The following RETREG3 variants were observed in gnomAD, a reference collection of about 807,000 sequenced individuals.
The protein encoded by RETREG3 is reticulophagy regulator 3.
A neutral mutation model predicts 50.2 loss-of-function variants in RETREG3; 23 were observed. The ratio of observed to expected loss-of-function variants is 0.46; its 90% CI spans 0.33 to 0.65. The LOEUF (loss-of-function observed/expected upper bound fraction) is 0.65. RETREG3 is among the 30% of genes least tolerant of loss of function. RETREG3 has a pLI of 0.02. For synonymous variants in RETREG3, 240 were observed against 234.4 expected (o/e 1.02, Z -0.22); for missense variants, 546 against 598.0 (o/e 0.91, Z 0.91).
intron 5 of RETREG3, 42 bp from the exon 6 acceptor site, chr17:42,585,304 G>C (rs1597733303): frequency 1.2e-6 from 2 of 1,603,904 alleles, no homozygotes; most frequent in Non-Finnish European, 1.7e-6. Context: ...TGGAGAAGGG[G>C]CTGCAAAAAA....
Position 42,586,858 on chromosome 17 carries a change from C to G in RETREG3, c.411G>C (p.Val137=), listed in dbSNP as rs1297171071. The part of the protein sequence containing the change: ...WGFVHPRLLS[V]PELCHHVAEV... ...CAGCTACATGGTGGCAGAGCTCGGG[C>G]ACGCTGAGCAACCGAGGGTGCACAA... Residue 137 remains valine, a synonymous_variant, in exon 4 of 9, where the codon GTG becomes GTC. Coordinates refer to ENST00000309428, the MANE Select transcript of RETREG3 (RefSeq NM_178126.4). The G allele has an allele frequency of 1.2e-6, 2 of 1,613,972 alleles. No homozygotes were observed. The highest frequency in any genetic ancestry group is 2.7e-5 in the African/African-American group (2 of 74,912).
chr17:42,583,622 G>A (rs751537430), intron 6 of RETREG3, 42 bp from the exon 7 acceptor site: 1 of 1,582,850 alleles, frequency 6.3e-7, no homozygotes, highest in Non-Finnish European at 8.6e-7. Context: ...CCTTCTCCCA[G>A]CGTAAAATCC....
intron 1 of RETREG3, among the ~76,000 whole-genome samples, chr17:42,604,303 G>A (rs2093163814): frequency 6.6e-6 from 1 of 151,994 alleles, no homozygotes; most frequent in African/African-American, 2.4e-5. Context: ...ATCTCTACTT[G>A]GGACTCAGCT....
chr17:42,597,439 G>A (rs1161558246), intron 1 of RETREG3, among the ~76,000 whole-genome samples: 4 of 148,078 alleles, frequency 2.7e-5, no homozygotes, highest in African/African-American at 5.0e-5. Context: ...CACCCACCTC[G>A]GCATCCCAAA....
At position 42,609,259 on chromosome 17, in the gene RETREG3, G is replaced by A. The variant is rs1318977824; in HGVS notation, c.66C>T (p.Arg22=). 1.2e-6 allele frequency: 2 copies of A among 1,606,482 alleles called. No individual in the cohort carries two copies. Among genetic ancestry groups the A allele is most frequent in the Admixed American group, 3.3e-5 (2 of 60,004 alleles). Residue 22 remains arginine, a synonymous_variant, in exon 1 of 9, where the codon CGC becomes CGT. Coordinates refer to ENST00000309428, the MANE Select transcript of RETREG3 (RefSeq NM_178126.4). ...GPASGSTFRG[R]RDVSGSWERD... Reference sequence around the variant, plus strand: ...GCTCCCAGGAGCCTGACACATCTCGGCGGCCCCTGAAAGTCGACCCCGAAG... The same window carrying A: ...GCTCCCAGGAGCCTGACACATCTCGACGGCCCCTGAAAGTCGACCCCGAAG...
chr17:42,596,648 T>C (rs946429276), intron 1 of RETREG3: 1 of 152,168 alleles, frequency 6.6e-6, no homozygotes, highest in Non-Finnish European at 1.5e-5. Context: ...AAGTATAATG[T>C]GACCTTATTA....
rs544986227 is a variant in RETREG3 at position 42,591,921 on chromosome 17, C to A, written c.346+135G>T. ...GGGGCACAAGCCCTTCAAGTGCCTC[C>A]TAAAGCAAATGATTCAGACTTCAAA... is the stretch of plus-strand genomic sequence containing the variant. On this transcript the variant is annotated intron_variant, in intron 2 of 8. Transcript: ENST00000309428. The A allele has an allele frequency of 1.6e-5, 12 of 729,662 alleles. No individual in the cohort carries two copies. The East Asian group carries it at 2.7e-4, about 16-fold the overall frequency. The allele number at this position is 729,662 out of a possible 1,614,324, so 45.2% of individuals were successfully genotyped here.
At chr17:42,599,785 G>A (rs955480033) in intron 1 of RETREG3, among the ~76,000 whole-genome samples, 1 of 152,116 alleles carries the variant, frequency 6.6e-6, no homozygotes, top group Non-Finnish European at 1.5e-5. Flanking sequence ...CTGAGGTCAG[G>A]AGTTCGAGAC....
In RETREG3 at chr17:42,609,151, T is replaced by C. The variant is rs757068090; in HGVS notation, c.174A>G (p.Ala58=). 2.6e-5 allele frequency: 42 copies of C among 1,610,336 alleles called. No homozygotes were observed. The East Asian group carries it at 8.5e-4, about 32-fold the overall frequency. ...PYEPLLSRVQ[A]ALVWERPARS... is the part of the protein sequence containing the mutation. ...TAGCTGGCCGCTCCCACACCAGGGC[T>C]GCCTGCACCCGACTCAGCAGAGGCT... The change falls in exon 1 of 9, where the codon GCA becomes GCG. Residue 58 remains alanine (A), a synonymous_variant. Transcript: ENST00000309428.
At chr17:42,592,420 T>A (rs6503710) in intron 1 of RETREG3, among the ~76,000 whole-genome samples, 146,192 of 152,336 alleles carry the variant, frequency 0.96, 70,204 homozygotes, top group East Asian at 1. Flanking sequence ...AAGCTCCTTC[T>A]GCTTTCCAGT....
At chr17:42,597,517 GTGTGTGTATATA>G (rs2093147869) in intron 1 of RETREG3, among the ~76,000 whole-genome samples, 1 of 123,918 alleles carries the variant, frequency 8.1e-6, no homozygotes, top group African/African-American at 2.9e-5. Flanking sequence ...GTGTGTGTGT[GTGTGTGTATATA>G]TATATATATA....
At chr17:42,603,343 C>G (rs2093161821) in intron 1 of RETREG3, among the ~76,000 whole-genome samples, 1 of 152,164 alleles carries the variant, frequency 6.6e-6, no homozygotes, top group African/African-American at 2.4e-5. Flanking sequence ...CACTTCAAAA[C>G]AAAGCATCCC....
chr17:42,597,858 G>A (rs2093150828), intron 1 of RETREG3, among the ~76,000 whole-genome samples: 2 of 150,202 alleles, frequency 1.3e-5, no homozygotes, highest in African/African-American at 4.9e-5. Flanking sequence ...TCGAATCCCT[G>A]ATCTCAAGTG....
At chr17:42,585,943 T>A (rs1159296298) in intron 5 of RETREG3, 110 bp downstream of exon 5, 1 of 978,056 alleles carries the variant, frequency 1.0e-6, no homozygotes, top group African/African-American at 1.6e-5. Flanking sequence ...GCAAAGGTCA[T>A]ATCCTAGAGA....
At position 42,593,878 on chromosome 17, in the gene RETREG3, C is replaced by T. The variant is rs532858020; in HGVS notation, c.240-1716G>A. Among the ~76,000 whole-genome samples, 8 of 152,016 alleles carry T rather than the reference C, an allele frequency of 5.3e-5. No individual in the cohort carries two copies. In the East Asian group the frequency reaches 1.6e-3, roughly 30 times the overall value. Reference sequence around the variant, plus strand: ...TTTTCCCTTTTTTCCCCCTAAGTAACATGTGATGTGAACATGAACTATAGA... The same window carrying T: ...TTTTCCCTTTTTTCCCCCTAAGTAATATGTGATGTGAACATGAACTATAGA... On this transcript the variant is annotated intron_variant, in intron 1 of 8. Coordinates refer to ENST00000309428, the MANE Select transcript of RETREG3 (RefSeq NM_178126.4).
At chr17:42,583,381 G>T in intron 7 of RETREG3, 117 bp downstream of exon 7, 1 of 783,036 alleles carries the variant, frequency 1.3e-6, no homozygotes, top group Non-Finnish European at 2.0e-6. Flanking sequence ...TCCTTGTCTT[G>T]GGAACAAGGG....
In RETREG3 at chr17:42,581,866, G is replaced by T; in HGVS notation, c.1348C>A (p.Leu450Met). The change falls in exon 9 of 9, where the codon CTG becomes ATG. Residue 450 changes from leucine (L) to methionine (M), a missense_variant. Transcript: ENST00000309428. ...AGCTGACTCAGCTCCGACTGGTCCA[G>T]AAGTTCAAAGTCATCCCCCTCAGCA... ...TDAEGDDFEL[L>M]DQSELSQLDP... 1.9e-6 allele frequency: 3 copies of T among 1,612,364 alleles called. No homozygotes were observed. Among genetic ancestry groups the T allele is most frequent in the Non-Finnish European group, 2.5e-6 (3 of 1,178,710 alleles).
intron 2 of RETREG3, among the ~76,000 whole-genome samples, chr17:42,588,342 C>T (rs536693744): frequency 9.9e-5 from 15 of 152,088 alleles, no homozygotes; most frequent in African/African-American, 2.9e-4. Context: ...CTGCAAGCTC[C>T]GCCTCCCATT....
rs1002112619 is a variant in RETREG3 at position 42,587,688 on chromosome 17, T to C, written c.377+146A>G. ...TCTCAACATATTGCTGCCTGAACTT[T>C]AGGATGTGTTAAAATGATCATTTGG... is the stretch of plus-strand genomic sequence containing the variant. On this transcript the variant is annotated intron_variant, in intron 3 of 8. Transcript: ENST00000309428. 3.3e-6 allele frequency: 3 copies of C among 908,230 alleles called. No homozygotes were observed. In the African/African-American group the frequency reaches 5.0e-5, roughly 15 times the overall value. The allele number at this position is 908,230 out of a possible 1,614,324, so 56.3% of individuals were successfully genotyped here.
Sources: gnomAD v4.1 joint callset for allele counts (sites outside exome capture counted in the v4.1 genomes callset) on GRCh38, gnomAD v4.1.1 for gene constraint, MANE v1.5 for transcripts, NCBI Gene and HGNC (gene_info 2026-07-23, HGNC 2026-07-21) for gene names.